Variants in LGR5 observed in about 807,000 individuals in gnomAD.
LGR5 encodes the protein leucine-rich repeat-containing G protein-coupled receptor 5.
A neutral mutation model predicts 76.7 loss-of-function variants in LGR5; 54 were observed. The ratio of observed to expected loss-of-function variants is 0.70; its 90% CI spans 0.57 to 0.88. The LOEUF is 0.88. LGR5 is among the 40% of genes least tolerant of loss of function. The pLI, the probability that LGR5 is intolerant of heterozygous loss-of-function variation, is 0.00. For synonymous variants in LGR5, 406 were observed against 421.9 expected, an observed-to-expected ratio of 0.96 and a Z score of 0.46; for missense variants, 1,078 against 1,073.3, an observed-to-expected ratio of 1.00 and a Z score of -0.06.
chr12:71,566,516 G>T, intron 9 of LGR5, 41 bp downstream of exon 9: 1 of 1,549,634 alleles, frequency 6.5e-7, no homozygotes. Flanking sequence ...TCCCTCTACA[G>T]GGTTGCTGTG....
intron 1 of LGR5, among the ~76,000 whole-genome samples, chr12:71,487,708 T>C (rs1022174239): frequency 6.6e-6 from 1 of 152,222 alleles, no homozygotes. Context: ...GGCTGAATTT[T>C]CTAATGATAT....
chr12:71,575,755 T>TGG lies in LGR5; in HGVS notation c.1209-2169_1209-2168insGG, dbSNP rs1555176211. 2.5e-4 allele frequency among the ~76,000 whole-genome samples: 38 copies of TGG among 151,694 alleles called. 1 individual carries two copies. Among genetic ancestry groups the TGG allele is most frequent in the African/African-American group, 8.5e-4 (35 of 41,372 alleles). On this transcript the variant is annotated intron_variant, in intron 13 of 17. Coordinates refer to ENST00000266674, the MANE Select transcript of LGR5 (RefSeq NM_003667.4). ...GTGTGTGTGTGTGTGTGTGTGTGTG[T>TGG]GTGTATCATTCTATTATAAAGATAC...
At chr12:71,546,525 T>C in intron 4 of LGR5, among the ~76,000 whole-genome samples, 1 of 152,062 alleles carries the variant, frequency 6.6e-6, no homozygotes, top group Non-Finnish European at 1.5e-5. Context: ...CTTCCTCACC[T>C]TCCTCTCTGG....
rs962949955 is a variant in LGR5 at position 71,584,609 on chromosome 12, G to GCC, written c.2600_2601dup (p.Leu868ProfsTer3). The GCC allele has an allele frequency of 3.7e-6, 6 of 1,614,016 alleles. No homozygotes were observed. Among genetic ancestry groups the GCC allele is most frequent in the Middle Eastern group, 1.6e-4 (1 of 6,084 alleles). On this transcript the variant is annotated frameshift_variant, in exon 18 of 18. Transcript: ENST00000266674. LOFTEE classifies it high-confidence loss of function. ...AAAACAGTCCTGTGACTCAACTCAAGCCTTGGTAACCTTTACCAGCTCCAG... is the reference window on the plus strand; with the variant it reads ...AAAACAGTCCTGTGACTCAACTCAAGCCCCTTGGTAACCTTTACCAGCTCCAG...
At chr12:71,460,565 T>C (rs1342330196) in intron 1 of LGR5, among the ~76,000 whole-genome samples, 1 of 152,132 alleles carries the variant, frequency 6.6e-6, no homozygotes, top group Non-Finnish European at 1.5e-5. Flanking sequence ...ATTCATCCGG[T>C]GCTCATTTTA....
At chr12:71,474,105 T>C (rs988357706) in intron 1 of LGR5, among the ~76,000 whole-genome samples, 2 of 151,708 alleles carry the variant, frequency 1.3e-5, no homozygotes, top group African/African-American at 4.8e-5. Context: ...GGCTTTTGAA[T>C]GTACGTTGAA....
At chr12:71,578,711 G>A (rs1477987476) in intron 14 of LGR5, 93 bp from the exon 15 acceptor site, 3 of 1,267,868 alleles carry the variant, frequency 2.4e-6, no homozygotes, top group Middle Eastern at 2.0e-4. Context: ...TTTTTATTGA[G>A]TAGTTTAACG....
chr12:71,518,863 G>A (rs565552898), intron 2 of LGR5, among the ~76,000 whole-genome samples: 45 of 152,170 alleles, frequency 3.0e-4, no homozygotes, highest in African/African-American at 7.5e-4. Flanking sequence ...CAAAGGATCC[G>A]GAAAAATAAC....
chr12:71,532,230 G>C (rs912414710), intron 3 of LGR5, among the ~76,000 whole-genome samples: 8 of 152,118 alleles, frequency 5.3e-5, no homozygotes, highest in African/African-American at 1.9e-4. Flanking sequence ...GATTGAAACT[G>C]CTTGGGAAAA....
intron 5 of LGR5, among the ~76,000 whole-genome samples, chr12:71,555,140 T>C (rs1030492623): frequency 6.6e-6 from 1 of 152,002 alleles, no homozygotes; most frequent in Non-Finnish European, 1.5e-5. Context: ...TACATAAATC[T>C]CACCTAAAAC....
intron 1 of LGR5, among the ~76,000 whole-genome samples, chr12:71,494,520 A>G (rs552741337): frequency 6.6e-6 from 1 of 151,306 alleles, no homozygotes; most frequent in East Asian, 1.9e-4. Flanking sequence ...CCCCATAAAT[A>G]AACAATTTTA....
intron 4 of LGR5, among the ~76,000 whole-genome samples, chr12:71,538,833 G>A (rs1042474570): frequency 4.6e-5 from 7 of 152,146 alleles, no homozygotes; most frequent in African/African-American, 4.8e-5. Flanking sequence ...ACTCCAGCCC[G>A]GGCAATAGAG....
intron 1 of LGR5, among the ~76,000 whole-genome samples, chr12:71,485,272 G>T: frequency 6.6e-6 from 1 of 152,102 alleles, no homozygotes; most frequent in East Asian, 1.9e-4. Context: ...TTCTGTTAAA[G>T]AAAAATCTGA....
Position 71,475,114 on chromosome 12 carries a change from G to C in LGR5, c.213-29500G>C, listed in dbSNP as rs564139043. Reference sequence around the variant, plus strand: ...GCAGACATGTAAGTCTCCCAAAAATGCATCTAGGAAGATTGCTTGACCACA... The same window carrying C: ...GCAGACATGTAAGTCTCCCAAAAATCCATCTAGGAAGATTGCTTGACCACA... On this transcript the variant is annotated intron_variant, in intron 1 of 17. Transcript: ENST00000266674. Among the ~76,000 whole-genome samples, 427 of 152,266 alleles carry C rather than the reference G, an allele frequency of 2.8e-3. 3 individuals carry two copies. The highest frequency in any genetic ancestry group is 0.01 in the Middle Eastern group (3 of 294).
At chr12:71,476,050 G>T (rs1873320817) in intron 1 of LGR5, among the ~76,000 whole-genome samples, 1 of 152,088 alleles carries the variant, frequency 6.6e-6, no homozygotes, top group Non-Finnish European at 1.5e-5. Context: ...TGAGCAGAAG[G>T]TTAAATGGGG....
intron 2 of LGR5, among the ~76,000 whole-genome samples, chr12:71,523,538 A>G (rs1875827839): frequency 6.6e-6 from 1 of 152,154 alleles, no homozygotes; most frequent in South Asian, 2.1e-4. Context: ...AGTTCTACTC[A>G]CCAGTCTCAG....
chr12:71,491,093 A>G (rs1184610142), intron 1 of LGR5, among the ~76,000 whole-genome samples: 1 of 152,148 alleles, frequency 6.6e-6, no homozygotes, highest in Non-Finnish European at 1.5e-5. Context: ...GCCTGCCACC[A>G]TGTAAGACAT....
intron 5 of LGR5, 82 bp downstream of exon 5, chr12:71,553,370 A>C (rs1877593779): frequency 8.5e-7 from 1 of 1,172,150 alleles, no homozygotes; most frequent in Non-Finnish European, 1.3e-6. Flanking sequence ...GGCTCTTCAA[A>C]GCTCAAATGG....
intron 4 of LGR5, among the ~76,000 whole-genome samples, chr12:71,541,124 T>G (rs1202536114): frequency 6.6e-6 from 1 of 152,166 alleles, no homozygotes; most frequent in African/African-American, 2.4e-5. Flanking sequence ...TGAATTCTTA[T>G]GAGGAGGAAA....
Sources: allele counts gnomAD v4.1 joint callset (sites outside exome capture counted in the v4.1 genomes callset), GRCh38; gene constraint gnomAD v4.1.1; transcripts MANE v1.5; gene names NCBI Gene and HGNC (gene_info 2026-07-23, HGNC 2026-07-21).